Variants in AK6 observed in about 807,000 individuals in gnomAD.
The protein encoded by AK6 is adenylate kinase isoenzyme 6.
A neutral mutation model predicts 23.7 loss-of-function variants in AK6; 24 were observed. The observed-to-expected ratio is 1.01, with a 90% CI of 0.73 to 1.43. AK6 has a LOEUF of 1.43. Ranked by LOEUF, AK6 falls within the 40% of genes most tolerant of loss-of-function variation. The probability of loss-of-function intolerance (pLI) is 0.00; values close to 1 mark genes in which losing one functional copy is unlikely to be tolerated. For synonymous variants in AK6, 73 were observed against 69.8 expected, an observed-to-expected ratio of 1.05 and a Z score of -0.23; for missense variants, 191 against 199.1, an observed-to-expected ratio of 0.96 and a Z score of 0.24.
At chr5:69,362,988 GGGAGGCTAAGGCAGAA>G (rs1318912596) in intron 2 of AK6, among the ~76,000 whole-genome samples, 1 of 152,132 alleles carries the variant, frequency 6.6e-6, no homozygotes, top group Non-Finnish European at 1.5e-5. Context: ...CCAGCACTTT[GGGAGGCTAAGGCAGAA>G]GGATCATTTG....
chr5:69,369,226 A>ACCCCCCCCCCCCCCCCCCCCCC (rs200123392), intron 1 of AK6: 3 of 124,546 alleles, frequency 2.4e-5, no homozygotes, highest in Admixed American at 1.9e-4. Flanking sequence ...ACCTCTCTCC[A>ACCCCCCCCCCCCCCCCCCCCCC]CCCCCCCCCG....
intron 2 of AK6, chr5:69,365,833 A>G (rs1371127848): frequency 9.2e-7 from 1 of 1,083,906 alleles, no homozygotes; most frequent in Non-Finnish European, 1.3e-6. Flanking sequence ...AGGAACTTAA[A>G]AAAATTTTAA....
At chr5:69,365,917 G>A (rs1456428705) in intron 2 of AK6, among the ~76,000 whole-genome samples, 1 of 152,050 alleles carries the variant, frequency 6.6e-6, no homozygotes, top group Non-Finnish European at 1.5e-5. Context: ...GGCAACTTAA[G>A]GTCGCTTTAA....
chr5:69,362,905 G>T (rs1425395131), intron 2 of AK6, among the ~76,000 whole-genome samples: 1 of 152,130 alleles, frequency 6.6e-6, no homozygotes, highest in Non-Finnish European at 1.5e-5. Flanking sequence ...TAACAAAGAG[G>T]ATGGGTGGGA....
intron 2 of AK6, among the ~76,000 whole-genome samples, chr5:69,364,311 A>G (rs1236492205): frequency 6.6e-6 from 1 of 152,022 alleles, no homozygotes; most frequent in Non-Finnish European, 1.5e-5. Context: ...TGAAAAACAA[A>G]GATGCTCAAA....
At chr5:69,369,281 C>T (rs896976487) in intron 1 of AK6, 182 bp downstream of exon 1, 3 of 472,746 alleles carry the variant, frequency 6.3e-6, no homozygotes, top group Non-Finnish European at 1.1e-5. Flanking sequence ...GTTCCGCGTC[C>T]CCTCCCTCGC....
chr5:69,358,338 T>C (rs1762134793), intron 2 of AK6, among the ~76,000 whole-genome samples: 1 of 151,914 alleles, frequency 6.6e-6, no homozygotes, highest in Non-Finnish European at 1.5e-5. Context: ...CTGGCCAACA[T>C]GGTGAAACCC....
At chr5:69,352,904 CAA>C (rs1397720495) in intron 4 of AK6, among the ~76,000 whole-genome samples, 1 of 152,024 alleles carries the variant, frequency 6.6e-6, no homozygotes, top group African/African-American at 2.4e-5. Flanking sequence ...GATATATAAA[CAA>C]GAGAAATAAA....
chr5:69,364,053 A>G (rs1278441604), intron 2 of AK6, among the ~76,000 whole-genome samples: 1 of 152,182 alleles, frequency 6.6e-6, no homozygotes, highest in Non-Finnish European at 1.5e-5. Context: ...GTGCCACTGC[A>G]CTGCAGCCTG....
chr5:69,369,238 C>CCCCCCCCCCCCCCCCCCCA, intron 1 of AK6: 1 of 156,870 alleles, frequency 6.4e-6, no homozygotes, highest in Non-Finnish European at 1.3e-5. Context: ...CCCCCCCCGC[C>CCCCCCCCCCCCCCCCCCCA]CCCCCCCGGA....
At chr5:69,367,100 C>T (rs549275847) in intron 1 of AK6, among the ~76,000 whole-genome samples, 6 of 152,138 alleles carry the variant, frequency 3.9e-5, no homozygotes, top group African/African-American at 1.4e-4. Context: ...AAAAATTTTC[C>T]AAAGCTAACT....
In AK6 at chr5:69,356,827, T is replaced by C. The variant is rs186961883; in HGVS notation, c.122-874A>G. 3.9e-5 allele frequency among the ~76,000 whole-genome samples: 6 copies of C among 152,284 alleles called. No individual in the cohort carries two copies. The East Asian group carries it at 1.2e-3, about 29-fold the overall frequency. ...ACTGCCGTTCCTCATAAGAGTTAAA[T>C]AGTCTCATTTCAGAAGGCAAAACAA... On this transcript the variant is annotated intron_variant, in intron 2 of 4. Coordinates refer to ENST00000380822, the MANE Select transcript of AK6 (RefSeq NM_016283.5).
At chr5:69,354,378 C>T (rs536318050) in intron 4 of AK6, among the ~76,000 whole-genome samples, 15 of 152,258 alleles carry the variant, frequency 9.9e-5, no homozygotes, top group African/African-American at 3.6e-4. Flanking sequence ...ATATTTGCTG[C>T]CATACTATTC....
At chr5:69,356,396 T>C (rs1433918138) in intron 2 of AK6, among the ~76,000 whole-genome samples, 1 of 52,352 alleles carries the variant, frequency 1.9e-5, no homozygotes, top group African/African-American at 4.0e-5. Context: ...GGCTTTGCGC[T>C]TGTAATCCCA....
At chr5:69,352,489 T>A (rs1379805081) in intron 4 of AK6, among the ~76,000 whole-genome samples, 7 of 150,786 alleles carry the variant, frequency 4.6e-5, no homozygotes, top group Non-Finnish European at 1.5e-5. Flanking sequence ...CCCCCCACAA[T>A]TTGTCAGCTA....
chr5:69,359,435 G>C (rs933310264), intron 2 of AK6, among the ~76,000 whole-genome samples: 5 of 151,980 alleles, frequency 3.3e-5, no homozygotes, highest in Non-Finnish European at 7.4e-5. Context: ...AGTAGAGATG[G>C]GGTTTCACCA....
upstream of AK6, chr5:69,369,658 T>C: frequency 6.4e-7 from 1 of 1,558,980 alleles, no homozygotes. Flanking sequence ...ACTGGTTACC[T>C]GGCTTTCGAT....
At position 69,355,941 on chromosome 5, in the gene AK6, T is replaced by A. The variant is rs1452255818; in HGVS notation, c.134A>T (p.Asp45Val). 4 of 1,605,854 alleles carry A rather than the reference T, an allele frequency of 2.5e-6. No homozygotes were observed. The highest frequency in any genetic ancestry group is 1.7e-4 in the Middle Eastern group (1 of 5,808). ...ACAGTCATACTCTTCATCATAGCCA[T>A]CATACAATTGCTCTAAAAGAGATTT... ...GDLAREEQLY[D>V]GYDEEYDCPI... Residue 45 changes from aspartate (D) to valine (V), a missense_variant, in exon 3 of 5, where the codon GAT (aspartate) becomes GTT (valine). Transcript: ENST00000380822.
At chr5:69,358,211 T>G (rs756024604) in intron 2 of AK6, among the ~76,000 whole-genome samples, 44 of 152,130 alleles carry the variant, frequency 2.9e-4, no homozygotes, top group Non-Finnish European at 5.1e-4. Context: ...TCCTTCATAC[T>G]TTAAATCTTT....
Sources: gnomAD v4.1 joint callset for allele counts (sites outside exome capture counted in the v4.1 genomes callset) on GRCh38, gnomAD v4.1.1 for gene constraint, MANE v1.5 for transcripts, NCBI Gene and HGNC (gene_info 2026-07-23, HGNC 2026-07-21) for gene names.